Variants in TET2 observed in about 807,000 individuals in gnomAD.
The protein encoded by TET2 is tet methylcytosine dioxygenase 2, also known as methylcytosine dioxygenase TET2.
In TET2, 299 loss-of-function variants were observed where a neutral mutation model predicts 142.9. The ratio of observed to expected loss-of-function variants is 2.09; its 90% CI spans 1.90 to 2.30. The LOEUF is 2.30. Ranked by LOEUF, TET2 falls within the 30% of genes most tolerant of loss-of-function variation. The pLI is 0.00. For missense variants in TET2, 2,418 were observed against 2,378.0 expected, an observed-to-expected ratio of 1.02 and a Z score of -0.35; for synonymous variants, 819 against 849.0, an observed-to-expected ratio of 0.96 and a Z score of 0.61.
rs367980467 is a variant in TET2, at chr4:105,237,329, T to C, written c.3387T>C (p.Asp1129=). The part of the protein sequence containing the change: ...LLDTPVKTQY[D]FPSCRCVEQI... ...ATACACCTGTCAAGACTCAATATGATTTCCCATCTTGCAGATGTGTAGGTA... is the reference window on the plus strand; with the variant it reads ...ATACACCTGTCAAGACTCAATATGACTTCCCATCTTGCAGATGTGTAGGTA... The change falls in exon 3 of 11, where the codon GAT becomes GAC. Residue 1129 remains aspartate (D), a synonymous_variant. Coordinates refer to ENST00000380013, the MANE Select transcript of TET2 (RefSeq NM_001127208.3). The C allele has an allele frequency of 7.1e-5, 115 of 1,614,062 alleles. No individual in the cohort carries two copies. The highest frequency in any genetic ancestry group is 1.0e-4 in the Admixed American group (6 of 60,006).
At chr4:105,217,683 G>A (rs1727576430) in intron 2 of TET2, among the ~76,000 whole-genome samples, 1 of 152,014 alleles carries the variant, frequency 6.6e-6, no homozygotes, top group African/African-American at 2.4e-5. Context: ...TTTCTTGCTT[G>A]AGCACAGAAC....
chr4:105,233,898 A>C lies in TET2; in HGVS notation c.-45A>C, dbSNP rs1446976022. 4.6e-6 allele frequency: 7 copies of C among 1,534,072 alleles called. No individual in the cohort carries two copies. Among genetic ancestry groups the C allele is most frequent in the African/African-American group, 2.8e-5 (2 of 71,822 alleles). On this transcript the variant is annotated splice_region_variant and 5_prime_UTR_variant, in exon 3 of 11. Coordinates refer to ENST00000380013, the MANE Select transcript of TET2 (RefSeq NM_001127208.3). ...AATTTTTGTTTCCATGCTCTTTAGA[A>C]TTCAACTAGAGGGCAGCCTTGTGGA...
At chr4:105,213,616 G>A (rs1408043097) in intron 2 of TET2, among the ~76,000 whole-genome samples, 1 of 152,154 alleles carries the variant, frequency 6.6e-6, no homozygotes, top group Non-Finnish European at 1.5e-5. Flanking sequence ...TACCTAGGAT[G>A]TTCTTCTTTC....
intron 2 of TET2, among the ~76,000 whole-genome samples, chr4:105,201,909 T>C (rs977261053): frequency 2.0e-5 from 3 of 151,578 alleles, no homozygotes. Context: ...CCCTGGCTAA[T>C]TTTTTGTATT....
In TET2 at chr4:105,236,211, C is replaced by T; in HGVS notation, c.2269C>T (p.Leu757Phe). ...ACAAATAAAGAATAAAGAGGAAATA[C>T]TCCAGACTTTTCCTCACCCCCAAAG... ...KLQIKNKEEILQTFPHPQSNN... is the reference protein window; with the variant it reads ...KLQIKNKEEIFQTFPHPQSNN... The change falls in exon 3 of 11, where the codon CTC becomes TTC. Residue 757 changes from leucine to phenylalanine, a missense_variant. Leu to Phe is a conservative substitution (Grantham distance 22, BLOSUM62 0). Transcript: ENST00000380013. 1 of 1,614,042 alleles carries T rather than the reference C, an allele frequency of 6.2e-7. No individual in the cohort carries two copies. The highest frequency in any genetic ancestry group is 1.1e-5 in the South Asian group (1 of 91,082).
At position 105,259,629 on chromosome 4, in the gene TET2, G is replaced by C; in HGVS notation, c.3814G>C (p.Ala1272Pro). 1 of 1,550,598 alleles carries C rather than the reference G, an allele frequency of 6.4e-7. No homozygotes were observed. The highest frequency in any genetic ancestry group is 8.7e-7 in the Non-Finnish European group (1 of 1,146,308). Reference protein sequence around the residue: ...RCALNEERTCACQGLDPETCG... With the variant: ...RCALNEERTCPCQGLDPETCG... ...CTTTTGATTTTTCAGGAGAACTTGC[G>C]CCTGTCAGGGGCTGGATCCAGAAAC... Residue 1272 changes from alanine to proline, a missense_variant, in exon 7 of 11, where the codon GCC (alanine) becomes CCC (proline). Coordinates refer to ENST00000380013, the MANE Select transcript of TET2 (RefSeq NM_001127208.3).
chr4:105,158,997 G>A (rs1723700984), intron 1 of TET2, among the ~76,000 whole-genome samples: 2 of 152,064 alleles, frequency 1.3e-5, no homozygotes, highest in Admixed American at 6.5e-5. Context: ...GCACGTGGCA[G>A]CAGTATTTAC....
intron 2 of TET2, among the ~76,000 whole-genome samples, chr4:105,206,015 GTC>G (rs1560751657): frequency 1.3e-5 from 2 of 152,080 alleles, no homozygotes. Context: ...AAAAGATCAG[GTC>G]ATGCCCACCC....
In TET2 at chr4:105,278,183, T is replaced by C. The variant is rs1014480629; in HGVS notation, c.*1664T>C. On this transcript the variant is annotated 3_prime_UTR_variant, in exon 11 of 11. Transcript: ENST00000380013. ...AATTAAATATATACATATATATATA[T>C]ATATATATATATATATATATGAGTT... 1.3e-5 allele frequency: 2 copies of C among 155,724 alleles called. No individual in the cohort carries two copies. Among genetic ancestry groups the C allele is most frequent in the African/African-American group, 5.3e-5 (2 of 37,574 alleles). The allele number at this position is 155,724 out of a possible 1,614,324, so 9.6% of individuals were successfully genotyped here. A position where few individuals can be genotyped will look rare whatever the true frequency, so the allele number is the denominator to read the frequency against.
At chr4:105,245,581 C>T (rs1431958882) in intron 6 of TET2, among the ~76,000 whole-genome samples, 2 of 152,128 alleles carry the variant, frequency 1.3e-5, no homozygotes, top group Non-Finnish European at 1.5e-5. Flanking sequence ...CCGCCCGCCT[C>T]GGCCTCCCAG....
At chr4:105,171,472 A>G (rs1398829190) in intron 1 of TET2, 1 of 152,240 alleles carries the variant, frequency 6.6e-6, no homozygotes, top group Non-Finnish European at 1.5e-5. Flanking sequence ...TAATCATATA[A>G]CCAAATAAGA....
intron 2 of TET2, among the ~76,000 whole-genome samples, chr4:105,224,319 T>C (rs762552992): frequency 1.3e-5 from 2 of 152,138 alleles, no homozygotes; most frequent in Non-Finnish European, 2.9e-5. Flanking sequence ...AAATGCATAT[T>C]GGTGAAATGA....
intron 3 of TET2, chr4:105,240,425 A>G: frequency 1.9e-6 from 2 of 1,074,000 alleles, no homozygotes; most frequent in Non-Finnish European, 2.3e-6. Flanking sequence ...GTGGATAGAG[A>G]TGAAGATCTT....
intron 6 of TET2, among the ~76,000 whole-genome samples, chr4:105,245,140 C>G (rs1041760358): frequency 6.6e-6 from 1 of 152,116 alleles, no homozygotes; most frequent in Admixed American, 6.5e-5. Context: ...GGAGACAAAT[C>G]AATTATAAAT....
At chr4:105,264,117 T>C (rs77959555) in intron 8 of TET2, among the ~76,000 whole-genome samples, 2 of 151,764 alleles carry the variant, frequency 1.3e-5, no homozygotes, top group Non-Finnish European at 2.9e-5. Context: ...TTTTTTTTTT[T>C]GGTTCGAACA....
chr4:105,268,841 C>T (rs1039234048), intron 8 of TET2, among the ~76,000 whole-genome samples: 5 of 152,048 alleles, frequency 3.3e-5, no homozygotes, highest in South Asian at 4.1e-4. Flanking sequence ...GGCATGGTGG[C>T]GCGTGCTTAT....
chr4:105,180,361 T>C (rs1185772356), intron 1 of TET2, among the ~76,000 whole-genome samples: 2 of 152,206 alleles, frequency 1.3e-5, no homozygotes, highest in African/African-American at 4.8e-5. Context: ...AAAATCTCAG[T>C]CATTAATACA....
intron 1 of TET2, among the ~76,000 whole-genome samples, chr4:105,155,915 A>C (rs1056069949): frequency 1.3e-5 from 2 of 152,212 alleles, no homozygotes; most frequent in Non-Finnish European, 2.9e-5. Flanking sequence ...AGCCCAAGAT[A>C]GATGCTCATG....
intron 1 of TET2, among the ~76,000 whole-genome samples, chr4:105,160,752 T>G (rs1378264033): frequency 6.6e-6 from 1 of 151,858 alleles, no homozygotes; most frequent in Non-Finnish European, 1.5e-5. Context: ...AAATCTGTTT[T>G]TTGGGGGTTT....
Sources: gnomAD v4.1 joint callset for allele counts (sites outside exome capture counted in the v4.1 genomes callset) on GRCh38, gnomAD v4.1.1 for gene constraint, MANE v1.5 for transcripts, NCBI Gene and HGNC (gene_info 2026-07-23, HGNC 2026-07-21) for gene names.